Variants in TSC22D2 observed in about 807,000 individuals in gnomAD.
The protein encoded by TSC22D2 is TSC22 domain family protein 2.
Under a neutral mutation model 50.1 loss-of-function variants are expected in TSC22D2, and 5 were observed. The ratio of observed to expected loss-of-function variants is 0.10; its 90% CI spans 0.05 to 0.21. TSC22D2 has a LOEUF of 0.21. TSC22D2 is among the 10% of genes least tolerant of loss of function. The pLI is 1.00. For synonymous variants in TSC22D2, 501 were observed against 450.1 expected, an observed-to-expected ratio of 1.11 and a Z score of -1.43; for missense variants, 1,003 against 1,015.5, an observed-to-expected ratio of 0.99 and a Z score of 0.17.
intron 1 of TSC22D2, among the ~76,000 whole-genome samples, chr3:150,437,517 ACT>A (rs1220875393): frequency 6.6e-6 from 1 of 151,906 alleles, no homozygotes; most frequent in Non-Finnish European, 1.5e-5. Flanking sequence ...AAGTCTAGAA[ACT>A]CAGCCAGGCA....
At position 150,410,126 on chromosome 3, in the gene TSC22D2, G is replaced by A; in HGVS notation, c.776G>A (p.Ser259Asn). 2 of 1,612,528 alleles carry A rather than the reference G, an allele frequency of 1.2e-6. No individual in the cohort carries two copies. Among genetic ancestry groups the A allele is most frequent in the Non-Finnish European group, 1.7e-6 (2 of 1,179,870 alleles). The part of the protein sequence containing the change: ...VSQLPPSEKM[S>N]QPTPAQPQSF... ...CAGCTACCCCCGTCGGAGAAAATGA[G>A]CCAGCCCACTCCGGCCCAGCCGCAG... Residue 259 changes from serine (S) to asparagine (N), a missense_variant, in exon 1 of 3, where the codon AGC (serine) becomes AAC (asparagine). By Grantham distance (46) the Ser-to-Asn change is conservative. This residue lies in a region of TSC22D2 where 696 missense variants were observed against 647.8 expected (regional missense o/e 1.07). Transcript: ENST00000688009.
intron 1 of TSC22D2, among the ~76,000 whole-genome samples, chr3:150,411,624 C>T (rs922763908): frequency 1.3e-5 from 2 of 151,952 alleles, no homozygotes; most frequent in Non-Finnish European, 2.9e-5. Context: ...ATAGAATTGT[C>T]CTTTTCTTAC....
At chr3:150,446,698 T>C (rs1045976241) in intron 1 of TSC22D2, among the ~76,000 whole-genome samples, 2 of 152,140 alleles carry the variant, frequency 1.3e-5, no homozygotes, top group African/African-American at 4.8e-5. Flanking sequence ...TAAATCAGAA[T>C]CAAGCAACTG....
At chr3:150,440,453 A>ATT (rs11290815) in intron 1 of TSC22D2, among the ~76,000 whole-genome samples, 5 of 148,588 alleles carry the variant, frequency 3.4e-5, no homozygotes, top group African/African-American at 1.2e-4. Context: ...ATATATGTGT[A>ATT]TTTTTTTTTT....
At chr3:150,430,076 CA>C (rs1218635778) in intron 1 of TSC22D2, among the ~76,000 whole-genome samples, 1 of 152,106 alleles carries the variant, frequency 6.6e-6, no homozygotes, top group African/African-American at 2.4e-5. Flanking sequence ...TACATTATCA[CA>C]TGATTGAAAG....
intron 1 of TSC22D2, 157 bp from the exon 2 acceptor site, chr3:150,456,919 G>C (rs1009662653): frequency 1.6e-6 from 1 of 634,312 alleles, no homozygotes; most frequent in Non-Finnish European, 2.7e-6. Context: ...TTTTAGAAAT[G>C]AGAGCTTTGA....
In TSC22D2 at chr3:150,459,572, G is replaced by GTTTTTTTTTTTTTTTGTTT. The variant is rs11330414; in HGVS notation, c.*949_*950insTTGTTTTTTTTTTTTTTTT. The GTTTTTTTTTTTTTTTGTTT allele has an allele frequency of 2.6e-5, 3 of 115,552 alleles. No homozygotes were observed. Among genetic ancestry groups the GTTTTTTTTTTTTTTTGTTT allele is most frequent in the East Asian group, 2.7e-4 (1 of 3,656 alleles). 7.2% of individuals were successfully genotyped at this position (115,552 alleles called of 1,614,324 possible). A position where few individuals can be genotyped will look rare whatever the true frequency, so the allele number is the denominator to read the frequency against. On this transcript the variant is annotated 3_prime_UTR_variant, in exon 3 of 3. Transcript: ENST00000688009. The stretch of plus-strand genomic sequence containing the variant: ...TAATGGAGTTTGGTTTTTTTTTGTT[G>GTTTTTTTTTTTTTTTGTTT]TTTTTTTTTTTTTGTCTTTTTTTTT...
chr3:150,450,779 T>C (rs1005293440), intron 1 of TSC22D2, among the ~76,000 whole-genome samples: 6 of 152,182 alleles, frequency 3.9e-5, no homozygotes, highest in African/African-American at 1.4e-4. Context: ...ATTGATTAGA[T>C]TTATTCCTTT....
chr3:150,410,546 C>G lies in TSC22D2; in HGVS notation c.1196C>G (p.Thr399Ser), dbSNP rs1327664769. ...CCAAGCCCCGCGCAGCCCTCGTCCA[C>G]CGGCGCCGCAGCGAGCCCCGCCACG... ...QPPSPAQPSSTGAAASPATAA... is the reference protein window; with the variant it reads ...QPPSPAQPSSSGAAASPATAA... Residue 399 changes from threonine to serine, a missense_variant, in exon 1 of 3, where the codon ACC becomes AGC. By Grantham distance (58) the Thr-to-Ser change is moderately conservative. Around this residue, in one of 6 missense-constraint regions of TSC22D2, gnomAD observed 696 missense variants for 647.8 expected, o/e 1.07. Transcript: ENST00000688009. 1 of 1,558,356 alleles carries G rather than the reference C, an allele frequency of 6.4e-7. No individual in the cohort carries two copies. The highest frequency in any genetic ancestry group is 1.9e-5 in the Admixed American group (1 of 51,874).
At chr3:150,435,415 G>A (rs1313678297) in intron 1 of TSC22D2, among the ~76,000 whole-genome samples, 1 of 151,994 alleles carries the variant, frequency 6.6e-6, no homozygotes, top group Non-Finnish European at 1.5e-5. Context: ...TATAACCTAT[G>A]GAATGACTCT....
intron 1 of TSC22D2, among the ~76,000 whole-genome samples, chr3:150,450,825 T>TA (rs1368377131): frequency 2.6e-5 from 4 of 152,118 alleles, no homozygotes; most frequent in East Asian, 1.9e-4. Context: ...ATTTTCTTTC[T>TA]AAAAAAATAA....
chr3:150,431,224 CAAAAAAAAAA>C (rs71138443), intron 1 of TSC22D2, among the ~76,000 whole-genome samples: 9 of 27,962 alleles, frequency 3.2e-4, no homozygotes, highest in East Asian at 3.4e-3. Flanking sequence ...GGCTCTGTCT[CAAAAAAAAAA>C]AAAAAAAAAA....
intron 1 of TSC22D2, among the ~76,000 whole-genome samples, chr3:150,425,581 C>T (rs1720153998): frequency 6.6e-6 from 1 of 152,144 alleles, no homozygotes; most frequent in African/African-American, 2.4e-5. Context: ...TCTACATTAT[C>T]TATTTATTTT....
chr3:150,419,985 G>T (rs192591042), intron 1 of TSC22D2, among the ~76,000 whole-genome samples: 27 of 152,192 alleles, frequency 1.8e-4, no homozygotes, highest in African/African-American at 6.0e-4. Context: ...GAGTGGAAGA[G>T]AATTTGTGAC....
At chr3:150,451,457 G>A (rs1721040963) in intron 1 of TSC22D2, among the ~76,000 whole-genome samples, 1 of 152,158 alleles carries the variant, frequency 6.6e-6, no homozygotes, top group African/African-American at 2.4e-5. Flanking sequence ...GGCATATTCT[G>A]AGCATGGTTT....
At chr3:150,423,841 A>C (rs752409304) in intron 1 of TSC22D2, among the ~76,000 whole-genome samples, 12 of 152,210 alleles carry the variant, frequency 7.9e-5, no homozygotes, top group Admixed American at 4.6e-4. Flanking sequence ...CTTTGTGTTT[A>C]ATTAATAGAA....
At chr3:150,437,766 C>T (rs1030533453) in intron 1 of TSC22D2, among the ~76,000 whole-genome samples, 1 of 152,010 alleles carries the variant, frequency 6.6e-6, no homozygotes, top group Non-Finnish European at 1.5e-5. Context: ...TGAGATCGCA[C>T]CACTGCACTC....
At chr3:150,423,591 T>TGA (rs1720083635) in intron 1 of TSC22D2, 1 of 152,242 alleles carries the variant, frequency 6.6e-6, no homozygotes, top group African/African-American at 2.4e-5. Flanking sequence ...AACTTTAACT[T>TGA]CAAGTTTGTT....
rs925720927 is a variant in TSC22D2, at chr3:150,462,844, G to A, written c.*4208G>A. The stretch of plus-strand genomic sequence containing the variant: ...AGACAGGGTTTCACCATGTTGGCCA[G>A]GTTGGTCTTGAACTCCTGACCTCAA... On this transcript the variant is annotated 3_prime_UTR_variant, in exon 3 of 3. Transcript: ENST00000688009. The A allele has an allele frequency of 6.6e-6, 1 of 152,140 alleles. No individual in the cohort carries two copies. Among genetic ancestry groups the A allele is most frequent in the African/African-American group, 2.4e-5 (1 of 41,376 alleles). 9.4% of individuals were successfully genotyped at this position (152,140 alleles called of 1,614,324 possible). A position where few individuals can be genotyped will look rare whatever the true frequency, so the allele number is the denominator to read the frequency against.
Sources: allele counts gnomAD v4.1 joint callset (sites outside exome capture counted in the v4.1 genomes callset), GRCh38; gene constraint gnomAD v4.1.1; regional missense constraint gnomAD v4.1.1; transcripts MANE v1.5; gene names NCBI Gene and HGNC (gene_info 2026-07-23, HGNC 2026-07-21).